The following AGTPBP1 variants were observed in gnomAD, a reference collection of about 807,000 sequenced individuals.
AGTPBP1 encodes cytosolic carboxypeptidase 1.
In AGTPBP1, 70 loss-of-function variants were observed where a neutral mutation model predicts 143.9. The observed-to-expected ratio is 0.49, with a 90% CI of 0.40 to 0.59. AGTPBP1 has a LOEUF of 0.59. Among genes scored for constraint, AGTPBP1 ranks in the 20% least tolerant of loss-of-function variants. The pLI is 0.00. For missense variants in AGTPBP1, 1,229 were observed against 1,464.5 expected (o/e 0.84, Z 2.62); for synonymous variants, 463 against 500.2 (o/e 0.93, Z 0.99).
Position 85,732,686 on chromosome 9 carries a change from G to A in AGTPBP1, c.-34+9089C>T, listed in dbSNP as rs373066665. On this transcript the variant is annotated intron_variant, in intron 1 of 25. Transcript: ENST00000357081. ...ATTTGCCAATCAAAACACAAAGACT[G>A]GCAGAATAGATTTTTTTAAATGATC... 5.7e-4 allele frequency among the ~76,000 whole-genome samples: 86 copies of A among 152,174 alleles called. 2 individuals carry two copies. The South Asian group carries it at 0.017, about 31-fold the overall frequency.
chr9:85,561,919 G>A (rs575608204), intron 25 of AGTPBP1, among the ~76,000 whole-genome samples: 6 of 148,458 alleles, frequency 4.0e-5, no homozygotes, highest in South Asian at 2.1e-4. Context: ...TGCAACTTCC[G>A]CCTCCCGGGT....
chr9:85,641,645 C>T (rs1832476119), intron 13 of AGTPBP1, among the ~76,000 whole-genome samples: 1 of 152,020 alleles, frequency 6.6e-6, no homozygotes, highest in African/African-American at 2.4e-5. Context: ...TCCTAAGTTC[C>T]CAAGCTGAAA....
chr9:85,742,018 C>T, upstream of AGTPBP1: 4 of 1,201,806 alleles, frequency 3.3e-6, no homozygotes, highest in Non-Finnish European at 4.1e-6. Flanking sequence ...AGCCGGCTCC[C>T]AGCACGCGCA....
chr9:85,640,101 T>G (rs1400414329), intron 13 of AGTPBP1, among the ~76,000 whole-genome samples: 1 of 152,228 alleles, frequency 6.6e-6, no homozygotes, highest in African/African-American at 2.4e-5. Context: ...TTCATTTATG[T>G]TTATTATCTC....
chr9:85,728,309 C>G (rs1197301701), intron 1 of AGTPBP1, among the ~76,000 whole-genome samples: 1 of 152,022 alleles, frequency 6.6e-6, no homozygotes, highest in African/African-American at 2.4e-5. Flanking sequence ...GAATCTTGTG[C>G]TCAGGCTGAG....
chr9:85,547,363 G>T, intron 25 of AGTPBP1, 77 bp from the exon 26 acceptor site: 3 of 1,237,876 alleles, frequency 2.4e-6, no homozygotes, highest in Non-Finnish European at 2.1e-6. Flanking sequence ...TCACCATACT[G>T]GACTAACTTT....
At chr9:85,679,802 A>G (rs764224517) in intron 4 of AGTPBP1, among the ~76,000 whole-genome samples, 7 of 152,010 alleles carry the variant, frequency 4.6e-5, no homozygotes, top group Non-Finnish European at 8.8e-5. Context: ...TTTTTTCTAC[A>G]TCCTTTTGTT....
chr9:85,802,428 T>C, the AGTPBP1 span, among the ~76,000 whole-genome samples: 2 of 152,268 alleles, frequency 1.3e-5, no homozygotes, highest in Admixed American at 1.3e-4. Context: ...CAACTGAATA[T>C]GGCTAGAGAA....
intron 10 of AGTPBP1, among the ~76,000 whole-genome samples, chr9:85,655,648 A>G (rs1483442307): frequency 1.3e-5 from 2 of 151,046 alleles, no homozygotes; most frequent in African/African-American, 4.9e-5. Context: ...GAAAAGGGGG[A>G]AAAGGATTAA....
intron 18 of AGTPBP1, 45 bp downstream of exon 18, chr9:85,596,317 G>T: frequency 7.5e-7 from 1 of 1,332,620 alleles, no homozygotes; most frequent in Non-Finnish European, 1.1e-6. Flanking sequence ...ACTTAATACT[G>T]CCTTCTGTAA....
chr9:85,787,425 A>G, the AGTPBP1 span, among the ~76,000 whole-genome samples: 1 of 152,142 alleles, frequency 6.6e-6, no homozygotes, highest in Non-Finnish European at 1.5e-5. Context: ...AGTCTTGCTA[A>G]AGCATCTTTA....
chr9:85,756,034 G>A, the AGTPBP1 span: 2 of 1,380,080 alleles, frequency 1.4e-6, no homozygotes, highest in Non-Finnish European at 1.9e-6. Flanking sequence ...TTTTATGGCA[G>A]AAGGAAAAAC....
the AGTPBP1 span, among the ~76,000 whole-genome samples, chr9:85,794,807 GT>G: frequency 1.3e-5 from 2 of 152,086 alleles, no homozygotes; most frequent in African/African-American, 4.8e-5. Context: ...TTTTAACCAT[GT>G]TTTTTAGTTT....
rs1446732553 is a variant in AGTPBP1, at chr9:85,644,018, T to TTA, written c.1186-1077_1186-1076dup. Reference sequence around the variant, plus strand: ...ACTATGCTTCAATCCTTAAAAAACTTTATATACATGTATCTGACCATACTT... The same window carrying TTA: ...ACTATGCTTCAATCCTTAAAAAACTTTATATATACATGTATCTGACCATACTT... On this transcript the variant is annotated intron_variant, in intron 12 of 25. Transcript: ENST00000357081. 2.0e-5 allele frequency among the ~76,000 whole-genome samples: 3 copies of TTA among 152,118 alleles called. No individual in the cohort carries two copies. The East Asian group carries it at 5.8e-4, about 29-fold the overall frequency.
chr9:85,609,971 T>C (rs941277862), intron 17 of AGTPBP1, among the ~76,000 whole-genome samples: 11 of 152,080 alleles, frequency 7.2e-5, no homozygotes, highest in Non-Finnish European at 1.5e-4. Flanking sequence ...CACACCTAAA[T>C]AATATTAAAC....
In AGTPBP1 at chr9:85,633,468, T is replaced by A. The variant is rs1831824731; in HGVS notation, c.1303-94A>T. 4 of 1,000,400 alleles carry A rather than the reference T, an allele frequency of 4.0e-6. No homozygotes were observed. In the South Asian group the frequency reaches 1.1e-4, roughly 27 times the overall value. 62.0% of individuals were successfully genotyped at this position (1,000,400 alleles called of 1,614,324 possible). On this transcript the variant is annotated intron_variant, in intron 13 of 25. Transcript: ENST00000357081. ...TTCATGTTATATATTGCTTCAGAAA[T>A]TTTTGGAAATTTTAAAGATGGATAA... is the stretch of plus-strand genomic sequence containing the variant.
chr9:85,698,700 TTTTTTTTTTTG>T, intron 2 of AGTPBP1, among the ~76,000 whole-genome samples: 1 of 132,464 alleles, frequency 7.5e-6, no homozygotes, highest in Non-Finnish European at 1.6e-5. Context: ...TTTTTTTTTT[TTTTTTTTTTTG>T]AGAAGCAGTC....
At chr9:85,662,126 A>C (rs1833885086) in intron 8 of AGTPBP1, among the ~76,000 whole-genome samples, 1 of 152,128 alleles carries the variant, frequency 6.6e-6, no homozygotes, top group African/African-American at 2.4e-5. Flanking sequence ...AGGTGTAGGT[A>C]AAGGTAAAGA....
At chr9:85,790,049 A>C in the AGTPBP1 span, among the ~76,000 whole-genome samples, 1 of 152,184 alleles carries the variant, frequency 6.6e-6, no homozygotes, top group Admixed American at 6.5e-5. Context: ...ACTTCATTGG[A>C]CTTTTTAAAA....
Sources: allele counts gnomAD v4.1 joint callset (sites outside exome capture counted in the v4.1 genomes callset), GRCh38; gene constraint gnomAD v4.1.1; transcripts MANE v1.5; gene names NCBI Gene and HGNC (gene_info 2026-07-23, HGNC 2026-07-21).